LRRC37A2: variants seen among roughly 807,000 people sequenced by gnomAD.
The protein encoded by LRRC37A2 is leucine-rich repeat-containing protein 37A2.
In LRRC37A2, 9 loss-of-function variants were observed where a neutral mutation model predicts 68.8. The ratio of observed to expected loss-of-function variants is 0.13; its 90% CI spans 0.08 to 0.23. The LOEUF (loss-of-function observed/expected upper bound fraction) is 0.23. Among genes scored for constraint, LRRC37A2 ranks in the 10% least tolerant of loss-of-function variants. The pLI is 1.00. For synonymous variants in LRRC37A2, 63 were observed against 367.6 expected (o/e 0.17, Z 9.48); for missense variants, 168 against 950.4 (o/e 0.18, Z 10.82).
chr17:46,638,589 C>T, the LRRC37A2 span, among the ~76,000 whole-genome samples: 1 of 119,412 alleles, frequency 8.4e-6, no homozygotes, highest in Non-Finnish European at 1.6e-5. Flanking sequence ...GTTAATCAGG[C>T]TAGTCTCGAA....
the LRRC37A2 span, among the ~76,000 whole-genome samples, chr17:47,024,076 G>C: frequency 6.6e-6 from 1 of 152,250 alleles, no homozygotes; most frequent in Admixed American, 6.5e-5. Flanking sequence ...TGAATATTTG[G>C]CCAGGTGAGG....
the LRRC37A2 span, among the ~76,000 whole-genome samples, chr17:46,823,130 A>T: frequency 2.4e-5 from 3 of 126,212 alleles, no homozygotes; most frequent in Non-Finnish European, 3.2e-5. Context: ...ATTATATATT[A>T]TATATATTAT....
the LRRC37A2 span, among the ~76,000 whole-genome samples, chr17:46,851,044 G>A: frequency 6.6e-6 from 1 of 152,342 alleles, no homozygotes; most frequent in South Asian, 2.1e-4. The surrounding 1 kb of genome is among the most constrained non-coding windows in gnomAD (Gnocchi z 4.3). Context: ...CTGAGCCATT[G>A]GACATGCATT....
the LRRC37A2 span, chr17:46,935,234 A>C: frequency 6.2e-7 from 1 of 1,611,758 alleles, no homozygotes; most frequent in African/African-American, 1.3e-5. Context: ...CAGTTTAGTA[A>C]CTGTGTTTAT....
At chr17:46,938,627 C>T in the LRRC37A2 span, 1 of 1,613,902 alleles carries the variant, frequency 6.2e-7, no homozygotes, top group South Asian at 1.1e-5. Context: ...CTTGACATTG[C>T]CAACATGCTG....
chr17:46,870,904 CTTTT>C, the LRRC37A2 span, among the ~76,000 whole-genome samples: 3 of 78,386 alleles, frequency 3.8e-5, no homozygotes. Flanking sequence ...TCCACCTTTG[CTTTT>C]TTTTTTTTTT....
At chr17:46,941,740 A>AT in the LRRC37A2 span, 6,029 of 149,760 alleles carry the variant, frequency 0.04, 176 homozygotes, top group Admixed American at 0.083. Context: ...TGTCTGGCTA[A>AT]TTTTTTTTTT....
At chr17:46,872,817 C>T in the LRRC37A2 span, 1 of 1,498,060 alleles carries the variant, frequency 6.7e-7, no homozygotes, top group Non-Finnish European at 9.1e-7. Flanking sequence ...GGGGAAGAAG[C>T]CTTCAGGGAG....
At chr17:46,773,499 GC>G in the LRRC37A2 span, among the ~76,000 whole-genome samples, 1 of 152,072 alleles carries the variant, frequency 6.6e-6, no homozygotes, top group East Asian at 1.9e-4. Context: ...AGGCGGCCCA[GC>G]CCCCAGCAGC....
chr17:46,543,905 C>T (rs1485790263), intron 8 of LRRC37A2, among the ~76,000 whole-genome samples: 2 of 148,102 alleles, frequency 1.4e-5, no homozygotes, highest in Admixed American at 6.6e-5. Context: ...TTGCTTGTGC[C>T]CAGGAGTTCG....
chr17:46,907,751 G>C, the LRRC37A2 span, among the ~76,000 whole-genome samples: 298 of 151,714 alleles, frequency 2.0e-3, 4 homozygotes, highest in African/African-American at 6.7e-3. Flanking sequence ...ACTCAGCGGG[G>C]GGGGTGAGGC....
chr17:46,794,524 AG>A, the LRRC37A2 span, among the ~76,000 whole-genome samples: 1 of 152,180 alleles, frequency 6.6e-6, no homozygotes, highest in Non-Finnish European at 1.5e-5. Flanking sequence ...AGCTCTGAGA[AG>A]GGCTCTTCAA....
At chr17:47,009,893 C>T in the LRRC37A2 span, among the ~76,000 whole-genome samples, 4 of 152,188 alleles carry the variant, frequency 2.6e-5, no homozygotes, top group African/African-American at 9.7e-5. Context: ...GCACCTTTTT[C>T]GCTACAGTTG....
chr17:46,896,168 C>A, the LRRC37A2 span, among the ~76,000 whole-genome samples: 2 of 151,778 alleles, frequency 1.3e-5, no homozygotes, highest in South Asian at 2.1e-4. Context: ...GTGGCAGATG[C>A]CTGTAATCCC....
At chr17:47,009,351 T>C in the LRRC37A2 span, among the ~76,000 whole-genome samples, 1 of 152,244 alleles carries the variant, frequency 6.6e-6, no homozygotes, top group African/African-American at 2.4e-5. Flanking sequence ...TCTGTCCTCT[T>C]GCCCTGAGCC....
At chr17:46,800,140 T>C in the LRRC37A2 span, among the ~76,000 whole-genome samples, 5 of 152,074 alleles carry the variant, frequency 3.3e-5, no homozygotes, top group African/African-American at 9.7e-5. Context: ...AGATGGAGTC[T>C]CACTGTGTCA....
chr17:46,761,463 C>G, the LRRC37A2 span, among the ~76,000 whole-genome samples: 58 of 152,000 alleles, frequency 3.8e-4, no homozygotes, highest in African/African-American at 1.4e-3. Flanking sequence ...TCTCAAGTAG[C>G]TGGGACTACA....
At chr17:46,896,452 A>AAGAAAGAAAAAGAAAGAAAGAAAG in the LRRC37A2 span, among the ~76,000 whole-genome samples, 7 of 65,874 alleles carry the variant, frequency 1.1e-4, no homozygotes, top group African/African-American at 3.6e-4. Flanking sequence ...GAAAGAAAGA[A>AAGAAAGAAAAAGAAAGAAAGAAAG]AAAGAAAGAA....
At chr17:46,996,417 C>T in the LRRC37A2 span, among the ~76,000 whole-genome samples, 1 of 152,212 alleles carries the variant, frequency 6.6e-6, no homozygotes, top group East Asian at 1.9e-4. Flanking sequence ...TCAGGAGTTT[C>T]CTTTAAGGAT....
Sources: allele counts gnomAD v4.1 joint callset (sites outside exome capture counted in the v4.1 genomes callset), GRCh38; gene constraint gnomAD v4.1.1; non-coding constraint Gnocchi (gnomAD v3.1); transcripts MANE v1.5; gene names NCBI Gene and HGNC (gene_info 2026-07-23, HGNC 2026-07-21).